The following IL1RN variants were observed in gnomAD, a reference collection of about 807,000 sequenced individuals.
IL1RN encodes the protein interleukin-1 receptor antagonist protein.
A neutral mutation model predicts 13.7 loss-of-function variants in IL1RN; 10 were observed. The ratio of observed to expected loss-of-function variants is 0.73; its 90% CI spans 0.45 to 1.24. IL1RN has a LOEUF of 1.24. Ranked by LOEUF, IL1RN falls within the 50% of genes most tolerant of loss-of-function variation. The probability of loss-of-function intolerance (pLI) is 0.00; values close to 1 mark genes in which losing one functional copy is unlikely to be tolerated. For missense variants in IL1RN, 213 were observed against 222.1 expected (o/e 0.96, Z 0.26); for synonymous variants, 102 against 82.7 (o/e 1.23, Z -1.27).
At chr2:113,121,063 C>G (rs935514881) in intron 2 of IL1RN, among the ~76,000 whole-genome samples, 14 of 119,174 alleles carry the variant, frequency 1.2e-4, no homozygotes, top group Non-Finnish European at 2.3e-4. Context: ...CTTCTTCCTC[C>G]TCCTCCTCCT....
chr2:113,114,667 TTG>T (rs149784663), upstream of IL1RN, among the ~76,000 whole-genome samples: 1 of 151,070 alleles, frequency 6.6e-6, no homozygotes, highest in Non-Finnish European at 1.5e-5. Flanking sequence ...GTGTCTGTGT[TTG>T]TGTGTGTGTG....
chr2:113,124,414 T>C (rs1686885863), upstream of IL1RN, among the ~76,000 whole-genome samples: 2 of 148,708 alleles, frequency 1.3e-5, 1 homozygote, highest in Admixed American at 1.4e-4. Context: ...CCTTTCTTCC[T>C]CTCCCTAAGC....
chr2:113,116,290 C>T (rs1178999039), upstream of IL1RN, among the ~76,000 whole-genome samples: 2 of 152,234 alleles, frequency 1.3e-5, no homozygotes, highest in Non-Finnish European at 2.9e-5. Context: ...TCTAGGTTTA[C>T]AAAGTTGACA....
At chr2:113,119,501 C>T (rs1483398616) in intron 1 of IL1RN, among the ~76,000 whole-genome samples, 1 of 152,182 alleles carries the variant, frequency 6.6e-6, no homozygotes, top group Non-Finnish European at 1.5e-5. Flanking sequence ...CAACCACAAG[C>T]AGTTATTCCG....
upstream of IL1RN, among the ~76,000 whole-genome samples, chr2:113,123,970 C>T (rs924163199): frequency 2.0e-5 from 3 of 152,208 alleles, no homozygotes; most frequent in Non-Finnish European, 4.4e-5. Flanking sequence ...ACTTTACAGG[C>T]ATCAACATAA....
At chr2:113,101,716 A>C in the IL1RN span, among the ~76,000 whole-genome samples, 2 of 148,588 alleles carry the variant, frequency 1.3e-5, no homozygotes, top group South Asian at 4.1e-4. Context: ...AAGATCTGGC[A>C]GTAGCATAGA....
exon 2 of IL1RN, chr2:113,120,073 G>A: frequency 6.2e-7 from 1 of 1,613,154 alleles, no homozygotes; most frequent in Non-Finnish European, 8.5e-7. Context: ...CAGCTGACTT[G>A]TATGAAGAAG....
chr2:113,107,384 T>C (rs557174446), upstream of IL1RN: 1 of 152,186 alleles, frequency 6.6e-6, no homozygotes, highest in East Asian at 1.9e-4. Context: ...ATCTTGAAAA[T>C]GGTGAGAGAA....
upstream of IL1RN, among the ~76,000 whole-genome samples, chr2:113,108,511 C>G (rs1481719433): frequency 1.3e-5 from 2 of 151,984 alleles, no homozygotes; most frequent in South Asian, 2.1e-4. Flanking sequence ...TTTTAAGGAC[C>G]CTTGTGATTA....
At chr2:113,104,289 T>C (rs1429057217), upstream of IL1RN, among the ~76,000 whole-genome samples, 1 of 152,190 alleles carries the variant, frequency 6.6e-6, no homozygotes, top group African/African-American at 2.4e-5. Flanking sequence ...TTTGGTAACC[T>C]GGAGGAGATG....
At chr2:113,130,392 G>C (rs1294232226) in intron 2 of IL1RN, among the ~76,000 whole-genome samples, 2 of 152,184 alleles carry the variant, frequency 1.3e-5, no homozygotes, top group East Asian at 1.9e-4. Context: ...TGAGATTTTT[G>C]TTGCTACATG....
At chr2:113,122,958 T>A (rs1220744821), upstream of IL1RN, among the ~76,000 whole-genome samples, 1 of 152,124 alleles carries the variant, frequency 6.6e-6, no homozygotes, top group East Asian at 1.9e-4. Context: ...AAACCCTGTC[T>A]CTACTAAAAA....
intron 3 of IL1RN, among the ~76,000 whole-genome samples, chr2:113,132,117 A>ACAGTGGGACAGCCTCTTTGTGT (rs1687190640): frequency 6.6e-6 from 1 of 152,218 alleles, no homozygotes; most frequent in Non-Finnish European, 1.5e-5. Context: ...TCAAGGTGTG[A>ACAGTGGGACAGCCTCTTTGTGT]CAGTGGGACA....
At chr2:113,122,911 A>T (rs569617807), upstream of IL1RN, among the ~76,000 whole-genome samples, 2 of 152,264 alleles carry the variant, frequency 1.3e-5, no homozygotes, top group South Asian at 4.1e-4. Flanking sequence ...GGATCACCTG[A>T]GGTCGGGAGT....
At chr2:113,129,777 T>G (rs1008705660) in intron 2 of IL1RN, 113 bp downstream of exon 2, 1 of 780,580 alleles carries the variant, frequency 1.3e-6, no homozygotes, top group East Asian at 2.5e-5. Context: ...CTAATCCTTG[T>G]TGGGTCTTTG....
chr2:113,105,746 T>C (rs572047458), upstream of IL1RN, among the ~76,000 whole-genome samples: 1 of 152,390 alleles, frequency 6.6e-6, no homozygotes, highest in East Asian at 1.9e-4. Flanking sequence ...TCTATAAATG[T>C]AGCATTATTA....
At chr2:113,115,335 G>A (rs1296743736), upstream of IL1RN, among the ~76,000 whole-genome samples, 1 of 152,018 alleles carries the variant, frequency 6.6e-6, no homozygotes, top group Admixed American at 6.5e-5. Flanking sequence ...CCCATAGTAG[G>A]AATTCCTTTG....
chr2:113,119,051 T>C (rs1686680071), intron 1 of IL1RN, among the ~76,000 whole-genome samples: 1 of 152,006 alleles, frequency 6.6e-6, no homozygotes, highest in Admixed American at 6.6e-5. Context: ...AAAAAATATG[T>C]AAAGATAAAT....
chr2:113,117,190 C>G (rs902738284), upstream of IL1RN, among the ~76,000 whole-genome samples: 1 of 152,222 alleles, frequency 6.6e-6, no homozygotes, highest in African/African-American at 2.4e-5. Context: ...AGTATCTGGC[C>G]TTGTGGACAA....
Sources: gnomAD v4.1 joint callset for allele counts (sites outside exome capture counted in the v4.1 genomes callset) on GRCh38, gnomAD v4.1.1 for gene constraint, MANE v1.5 for transcripts, NCBI Gene and HGNC (gene_info 2026-07-23, HGNC 2026-07-21) for gene names.